The following MCF2 variants were observed in gnomAD, a reference collection of about 807,000 sequenced individuals.
The protein encoded by MCF2 is proto-oncogene DBL.
In MCF2, 44 loss-of-function variants were observed where a neutral mutation model predicts 82.5. The ratio of observed to expected loss-of-function variants is 0.53; its 90% CI spans 0.42 to 0.69. The LOEUF (loss-of-function observed/expected upper bound fraction) is 0.69. MCF2 is among the 30% of genes least tolerant of loss of function. MCF2 has a pLI of 0.00. For synonymous variants in MCF2, 217 were observed against 224.9 expected (o/e 0.96, Z 0.32); for missense variants, 623 against 663.1 (o/e 0.94, Z 0.66).
At chrX:139,629,504 G>A (rs940355381) in intron 4 of MCF2, among the ~76,000 whole-genome samples, 191 bp downstream of exon 7, 1 of 111,575 alleles carries the variant, frequency 9.0e-6, no homozygotes, top group African/African-American at 3.3e-5. Flanking sequence ...CATTTACGGA[G>A]GGGACACTTA....
At chrX:139,592,880 G>A (rs1308702095) in intron 19 of MCF2, among the ~76,000 whole-genome samples, 1 of 111,893 alleles carries the variant, frequency 8.9e-6, no homozygotes, top group Non-Finnish European at 1.9e-5. Context: ...AGAATCAAAA[G>A]CAAGGCCTGC....
At chrX:139,618,927 C>T (rs950000869) in intron 7 of MCF2, among the ~76,000 whole-genome samples, 3 of 111,353 alleles carry the variant, frequency 2.7e-5, no homozygotes, top group African/African-American at 9.7e-5. Flanking sequence ...TTCACAATTG[C>T]TCTGCAAAGT....
intron 1 of MCF2, among the ~76,000 whole-genome samples, chrX:139,690,338 G>GTTTTTTGTT (rs1935228970): frequency 1.3e-5 from 1 of 75,753 alleles, no homozygotes; most frequent in African/African-American, 4.9e-5. Context: ...CTCCAAAGGA[G>GTTTTTTGTT]TTTTTTTTTT....
intron 1 of MCF2, among the ~76,000 whole-genome samples, chrX:139,665,920 TATATATAC>T (rs1378736813): frequency 0.088 from 7,749 of 87,747 alleles, 905 homozygotes; most frequent in African/African-American, 0.34. Flanking sequence ...TATATATATA[TATATATAC>T]ACACACACAC....
chrX:139,651,355 G>C (rs1934005038), intron 2 of MCF2, among the ~76,000 whole-genome samples: 2 of 110,948 alleles, frequency 1.8e-5, no homozygotes, highest in Admixed American at 9.7e-5. Flanking sequence ...ATACACATTT[G>C]AGTAATCAAA....
At chrX:139,653,581 G>C (rs763343707) in intron 1 of MCF2, among the ~76,000 whole-genome samples, 7 of 111,204 alleles carry the variant, frequency 6.3e-5, no homozygotes, top group African/African-American at 2.3e-4. Flanking sequence ...ATAAAAGTCT[G>C]TGGGCTGGGA....
rs745834011 is a variant in MCF2, at chrX:139,673,366, T to G, written c.-44-21578A>C. Among the ~76,000 whole-genome samples, 3 of 111,742 alleles carry G rather than the reference T, an allele frequency of 2.7e-5. No homozygotes were observed. The South Asian group carries it at 1.1e-3, about 42-fold the overall frequency. ...TTATTGTCTTCTGCTAGCTTTTGAA[T>G]GTGTTTGCTCTTGCTTCTCTAGTTC... On this transcript the variant is annotated intron_variant, in intron 1 of 27. Transcript: ENST00000414978.
At chrX:139,587,168 C>G (rs1256514375) in intron 22 of MCF2, among the ~76,000 whole-genome samples, 4 of 111,301 alleles carry the variant, frequency 3.6e-5, no homozygotes, top group African/African-American at 1.3e-4. Context: ...TGTATATATG[C>G]AAATGTTCAG....
At chrX:139,631,094 C>T (rs1932906613) in intron 3 of MCF2, among the ~76,000 whole-genome samples, 1 of 111,418 alleles carries the variant, frequency 9.0e-6, no homozygotes, top group African/African-American at 3.3e-5. Flanking sequence ...AATCCAAACC[C>T]TTCATTTCTT....
intron 1 of MCF2, among the ~76,000 whole-genome samples, chrX:139,693,483 AACACACACACACAC>A (rs67506907): frequency 4.1e-5 from 4 of 98,404 alleles, no homozygotes; most frequent in African/African-American, 1.5e-4. Context: ...GTAGGGGAGG[AACACACACACACAC>A]ACACACACAC....
At chrX:139,610,165 C>T in intron 11 of MCF2, 136 bp downstream of exon 15, 3 of 423,276 alleles carry the variant, frequency 7.1e-6, no homozygotes, top group Non-Finnish European at 1.2e-5. Flanking sequence ...CACAATGCAG[C>T]AGCAGCTTTT....
chrX:139,642,877 CT>C, exon 1 of MCF2: 2 of 880,539 alleles, frequency 2.3e-6, no homozygotes, highest in South Asian at 6.7e-5. Flanking sequence ...AACCAGCTCT[CT>C]TCCTAGGAGC....
intron 2 of MCF2, among the ~76,000 whole-genome samples, chrX:139,650,795 A>G (rs1933976765): frequency 8.9e-6 from 1 of 112,138 alleles, no homozygotes; most frequent in South Asian, 3.7e-4. Flanking sequence ...GTATCTATCA[A>G]TGGATGAACA....
rs150496389 is a variant in MCF2, at chrX:139,604,310, T to A, written c.1743+371A>T. Among the ~76,000 whole-genome samples the A allele has an allele frequency of 3.8e-3, 294 of 76,813 alleles. 10 individuals carry two copies. In the East Asian group the frequency reaches 0.078, roughly 21 times the overall value. The allele number at this position is 76,813 out of a possible 115,157, so 66.7% of individuals were successfully genotyped here. On this transcript the variant is annotated intron_variant, in intron 15 of 24. Coordinates refer to ENST00000370576, the Ensembl canonical transcript of MCF2. ...GACAAATAATATAAATAATAAGGTG[T>A]TTTTTAGGCAAAAAAAAAAAAATTA...
upstream of MCF2, among the ~76,000 whole-genome samples, chrX:139,647,490 G>A (rs1303464265): frequency 9.0e-6 from 1 of 111,561 alleles, no homozygotes; most frequent in Non-Finnish European, 1.9e-5. Context: ...CTGGGTAGGG[G>A]TCCAGGCAGA....
chrX:139,688,524 A>G (rs1013136815), intron 1 of MCF2, among the ~76,000 whole-genome samples: 3 of 111,949 alleles, frequency 2.7e-5, no homozygotes, highest in African/African-American at 9.8e-5. Flanking sequence ...TTTTGTTGTG[A>G]TTTACATATC....
At chrX:139,596,476 C>CA (rs990722622) in intron 19 of MCF2, 73 bp downstream of exon 23, 208 of 845,779 alleles carry the variant, frequency 2.5e-4, no homozygotes, top group East Asian at 1.3e-3. Flanking sequence ...TCATTTGAAA[C>CA]AAAAAAAATG....
chrX:139,652,186 G>C (rs993260067), intron 1 of MCF2, among the ~76,000 whole-genome samples: 4 of 111,676 alleles, frequency 3.6e-5, no homozygotes, highest in Non-Finnish European at 7.5e-5. Context: ...CAATTACAAA[G>C]TGCTTTTTGG....
chrX:139,608,605 C>T (rs1931239149), intron 11 of MCF2, among the ~76,000 whole-genome samples: 1 of 111,201 alleles, frequency 9.0e-6, no homozygotes, highest in South Asian at 3.8e-4. Context: ...TTCTTTGGGA[C>T]AACTAGAACC....
Sources: allele counts gnomAD v4.1 joint callset (sites outside exome capture counted in the v4.1 genomes callset), GRCh38; gene constraint gnomAD v4.1.1; transcripts MANE v1.5; gene names NCBI Gene and HGNC (gene_info 2026-07-23, HGNC 2026-07-21).